CCNT1: variants seen among roughly 807,000 people sequenced by gnomAD.
CCNT1 encodes the protein cyclin T1.
In CCNT1, 18 loss-of-function variants were observed where a neutral mutation model predicts 67.3. The observed-to-expected ratio is 0.27, with a 90% CI of 0.18 to 0.40. The LOEUF (loss-of-function observed/expected upper bound fraction) is 0.40. CCNT1 is among the 10% of genes least tolerant of loss of function. The pLI is 1.00. For synonymous variants in CCNT1, 333 were observed against 310.3 expected (o/e 1.07, Z -0.77); for missense variants, 744 against 884.9 (o/e 0.84, Z 2.02).
At chr12:48,694,483 T>TA (rs1565615857) in intron 8 of CCNT1, 47 bp from the exon 9 acceptor site, 4 of 1,522,370 alleles carry the variant, frequency 2.6e-6, no homozygotes, top group Non-Finnish European at 2.7e-6. Context: ...ATTTACTAAA[T>TA]AAAAAAACAC....
In CCNT1 at chr12:48,714,975, GCTA is replaced by G. The variant is rs139687421; in HGVS notation, c.162-454_162-452del. 2.5e-3 allele frequency among the ~76,000 whole-genome samples: 374 copies of G among 152,184 alleles called. 2 individuals are homozygous for G. The highest frequency in any genetic ancestry group is 8.4e-3 in the African/African-American group (350 of 41,516). On this transcript the variant is annotated intron_variant, in intron 1 of 8. Coordinates refer to ENST00000261900, the MANE Select transcript of CCNT1 (RefSeq NM_001240.4). The stretch of plus-strand genomic sequence containing the variant: ...TTACAGGCGCCCACCAACAGACCTG[GCTA>G]CTTTTTGTATTTTTAGTAGAGACAT...
intron 1 of CCNT1, 46 bp downstream of exon 1, chr12:48,716,469 A>C: frequency 6.5e-7 from 1 of 1,537,544 alleles, no homozygotes; most frequent in South Asian, 1.2e-5. Context: ...ACGCCAGAGC[A>C]TGGCGGGACC....
chr12:48,694,608 C>A (rs923708687), intron 8 of CCNT1, among the ~76,000 whole-genome samples, 172 bp from the exon 9 acceptor site: 1 of 152,166 alleles, frequency 6.6e-6, no homozygotes, highest in Non-Finnish European at 1.5e-5. Flanking sequence ...GATTTTAAAA[C>A]CTTCAATTAA....
chr12:48,701,641 C>G lies in CCNT1; in HGVS notation c.373-568G>C, dbSNP rs567036649. ...TTTTTTTTTGAGTTGGAGTTTCGCTCTTGTTGCCCAGGCTGGAGTGCAATG... is the reference window on the plus strand; with the variant it reads ...TTTTTTTTTGAGTTGGAGTTTCGCTGTTGTTGCCCAGGCTGGAGTGCAATG... On this transcript the variant is annotated intron_variant, in intron 3 of 8. Transcript: ENST00000261900. 2.5e-3 allele frequency among the ~76,000 whole-genome samples: 376 copies of G among 150,686 alleles called. 2 individuals carry two copies. Among genetic ancestry groups the G allele is most frequent in the African/African-American group, 8.6e-3 (353 of 41,008 alleles).
At chr12:48,699,248 T>G (rs1175851793) in intron 5 of CCNT1, among the ~76,000 whole-genome samples, 1 of 152,140 alleles carries the variant, frequency 6.6e-6, no homozygotes, top group Non-Finnish European at 1.5e-5. Context: ...TAGTAAAATG[T>G]AAAATAAGAC....
chr12:48,709,786 A>C (rs1270407103), intron 2 of CCNT1, among the ~76,000 whole-genome samples: 1 of 152,186 alleles, frequency 6.6e-6, no homozygotes, highest in African/African-American at 2.4e-5. Flanking sequence ...ACATTTATCA[A>C]TGGTTATCTC....
In CCNT1 at chr12:48,698,230, T is replaced by C. The variant is rs759500890; in HGVS notation, c.497-47A>G. The C allele has an allele frequency of 6.2e-6, 8 of 1,298,032 alleles. 1 individual carries two copies. Among genetic ancestry groups the C allele is most frequent in the Middle Eastern group, 2.0e-4 (1 of 5,022 alleles). 80.4% of individuals were successfully genotyped at this position (1,298,032 alleles called of 1,614,324 possible). A position where few individuals can be genotyped will look rare whatever the true frequency, so the allele number is the denominator to read the frequency against. The stretch of plus-strand genomic sequence containing the variant: ...CAGGGGTGGGGGAGGAAAAAAGTTA[T>C]TAGTTCCATTCATTCTCAACAAATA... On this transcript the variant is annotated intron_variant, in intron 5 of 8. Transcript: ENST00000261900.
intron 4 of CCNT1, 126 bp downstream of exon 4, chr12:48,700,887 C>A: frequency 1.7e-6 from 1 of 573,224 alleles, no homozygotes; most frequent in Non-Finnish European, 3.1e-6. Flanking sequence ...CAACCTCTAT[C>A]ATCTGGAAAC....
At chr12:48,694,994 T>C (rs989246794) in intron 8 of CCNT1, among the ~76,000 whole-genome samples, 3 of 152,188 alleles carry the variant, frequency 2.0e-5, no homozygotes, top group Non-Finnish European at 4.4e-5. Context: ...TGGCTAATTT[T>C]TGTATTTTTA....
At chr12:48,694,768 G>T (rs1453169824) in intron 8 of CCNT1, among the ~76,000 whole-genome samples, 1 of 152,168 alleles carries the variant, frequency 6.6e-6, no homozygotes, top group African/African-American at 2.4e-5. Flanking sequence ...GAGGTTTTAT[G>T]CTAAAGTAAA....
chr12:48,707,965 C>CA (rs1277422234), intron 2 of CCNT1, among the ~76,000 whole-genome samples: 1 of 151,996 alleles, frequency 6.6e-6, no homozygotes, highest in Admixed American at 6.5e-5. Flanking sequence ...AGGGTAGTCC[C>CA]ACCTACTCGG....
chr12:48,703,950 T>G (rs1316816862), intron 3 of CCNT1, among the ~76,000 whole-genome samples: 2 of 152,186 alleles, frequency 1.3e-5, no homozygotes, highest in East Asian at 3.8e-4. Flanking sequence ...AGAATATTTT[T>G]CATAACATTT....
chr12:48,690,720 T>C lies in CCNT1; in HGVS notation c.*2313A>G, dbSNP rs1940059012. The C allele has an allele frequency of 6.6e-6, 1 of 152,156 alleles. No homozygotes were observed. The highest frequency in any genetic ancestry group is 6.5e-5 in the Admixed American group (1 of 15,280). 9.4% of individuals were successfully genotyped at this position (152,156 alleles called of 1,614,324 possible). A position where few individuals can be genotyped will look rare whatever the true frequency, so the allele number is the denominator to read the frequency against. ...TTTTCTAGTTCACTCCTGGCAAAGT[T>C]CTAAGGAACTTTACTACAGTACGGC... On this transcript the variant is annotated 3_prime_UTR_variant, in exon 9 of 9. Coordinates refer to ENST00000261900, the MANE Select transcript of CCNT1 (RefSeq NM_001240.4).
At position 48,688,804 on chromosome 12, in the gene CCNT1, G is replaced by A. The variant is rs1181095519; in HGVS notation, c.*4229C>T. 1 of 139,802 alleles carries A rather than the reference G, an allele frequency of 7.2e-6. No individual in the cohort carries two copies. The highest frequency in any genetic ancestry group is 1.5e-5 in the Non-Finnish European group (1 of 64,742). 8.7% of individuals were successfully genotyped at this position (139,802 alleles called of 1,614,324 possible). A position where few individuals can be genotyped will look rare whatever the true frequency, so the allele number is the denominator to read the frequency against. On this transcript the variant is annotated 3_prime_UTR_variant, in exon 9 of 9. Transcript: ENST00000261900. ...TACCTGAGTGACAGATTGGTAAAGT[G>A]TTTTACTTTTTTTTTTCTTTTCGCT...
intron 8 of CCNT1, 71 bp from the exon 9 acceptor site, chr12:48,694,507 TTG>T: frequency 7.2e-7 from 1 of 1,392,502 alleles, no homozygotes; most frequent in Non-Finnish European, 9.9e-7. Flanking sequence ...GATGAGTAGA[TTG>T]TACTTGCAGC....
chr12:48,710,185 C>A (rs953595264), intron 2 of CCNT1, among the ~76,000 whole-genome samples: 2 of 81,544 alleles, frequency 2.5e-5, no homozygotes, highest in Admixed American at 3.7e-4. Flanking sequence ...AGTCAACACG[C>A]CCAGCCTCTA....
chr12:48,692,728 A>C lies in CCNT1; in HGVS notation c.*305T>G, dbSNP rs1940095983. The C allele has an allele frequency of 1.3e-5, 3 of 237,348 alleles. No individual in the cohort carries two copies. The highest frequency in any genetic ancestry group is 1.6e-5 in the Non-Finnish European group (2 of 121,880). The allele number at this position is 237,348 out of a possible 1,614,324, so 14.7% of individuals were successfully genotyped here. A position where few individuals can be genotyped will look rare whatever the true frequency, so the allele number is the denominator to read the frequency against. ...TTTTCAGCTCTGGCAAGAAGAGGGAAGATATCAACTCCAATCAACCTAATT... is the reference window on the plus strand; with the variant it reads ...TTTTCAGCTCTGGCAAGAAGAGGGACGATATCAACTCCAATCAACCTAATT... On this transcript the variant is annotated 3_prime_UTR_variant, in exon 9 of 9. Transcript: ENST00000261900.
At chr12:48,696,335 A>C (rs1372337653) in intron 6 of CCNT1, among the ~76,000 whole-genome samples, 173 bp from the exon 7 acceptor site, 1 of 151,508 alleles carries the variant, frequency 6.6e-6, no homozygotes, top group East Asian at 1.9e-4. Flanking sequence ...CACTCAATAT[A>C]ATTTCCTATT....
Position 48,690,537 on chromosome 12 carries a change from T to C in CCNT1, c.*2496A>G, listed in dbSNP as rs1160385935. 5 of 152,188 alleles carry C rather than the reference T, an allele frequency of 3.3e-5. No individual in the cohort carries two copies. The highest frequency in any genetic ancestry group is 7.3e-5 in the Non-Finnish European group (5 of 68,038). The allele number at this position is 152,188 out of a possible 1,614,324, so 9.4% of individuals were successfully genotyped here. ...AGCCCACAAGGAGCTTCATGACATA[T>C]GCATAGATCTAAAAACAGACACTGT... On this transcript the variant is annotated 3_prime_UTR_variant, in exon 9 of 9. Coordinates refer to ENST00000261900, the MANE Select transcript of CCNT1 (RefSeq NM_001240.4).
Sources: allele counts gnomAD v4.1 joint callset (sites outside exome capture counted in the v4.1 genomes callset), GRCh38; gene constraint gnomAD v4.1.1; transcripts MANE v1.5; gene names NCBI Gene and HGNC (gene_info 2026-07-23, HGNC 2026-07-21).